The following GABRB3 variants were observed in gnomAD, a reference collection of about 807,000 sequenced individuals.
The protein encoded by GABRB3 is gamma-aminobutyric acid type A receptor subunit beta3.
A neutral mutation model predicts 52.1 loss-of-function variants in GABRB3; 14 were observed. The ratio of observed to expected loss-of-function variants is 0.27; its 90% confidence interval spans 0.18 to 0.42. GABRB3 has a LOEUF of 0.42. Among genes scored for constraint, GABRB3 ranks in the 10% least tolerant of loss-of-function variants. GABRB3 has a pLI of 1.00. For synonymous variants in GABRB3, 260 were observed against 232.3 expected (o/e 1.12, Z -1.08); for missense variants, 307 against 609.1 (o/e 0.50, Z 5.22).
At chr15:26,586,651 C>G (rs559166284) in intron 4 of GABRB3, among the ~76,000 whole-genome samples, 1 of 137,290 alleles carries the variant, frequency 7.3e-6, no homozygotes, top group South Asian at 2.3e-4. Context: ...CCACTGCACT[C>G]CAGCCTGGGC....
intron 5 of GABRB3, among the ~76,000 whole-genome samples, chr15:26,582,846 G>T (rs77258908): frequency 6.6e-6 from 1 of 152,158 alleles, no homozygotes; most frequent in Non-Finnish European, 1.5e-5. Context: ...TAGATGTTAT[G>T]GATGCAGTTC....
At chr15:26,748,565 T>C (rs1217966208) in intron 3 of GABRB3, among the ~76,000 whole-genome samples, 1 of 152,218 alleles carries the variant, frequency 6.6e-6, no homozygotes, top group Non-Finnish European at 1.5e-5. Flanking sequence ...ATAGCTTCTG[T>C]TTCATTCCTG....
chr15:26,756,195 A>C (rs1425224269), intron 3 of GABRB3, among the ~76,000 whole-genome samples: 2 of 152,142 alleles, frequency 1.3e-5, no homozygotes, highest in African/African-American at 2.4e-5. Flanking sequence ...ATTTTGTAGA[A>C]GCAGTCAAAG....
intron 3 of GABRB3, among the ~76,000 whole-genome samples, chr15:26,639,186 C>G (rs1453203043): frequency 6.6e-6 from 1 of 152,140 alleles, no homozygotes; most frequent in Non-Finnish European, 1.5e-5. Context: ...CTATAATAAT[C>G]ATGGCCATCA....
rs114335355 is a variant in GABRB3 at position 26,599,554 on chromosome 15, C to G, written c.462-16140G>C. Among the ~76,000 whole-genome samples the G allele has an allele frequency of 5.9e-3, 898 of 152,328 alleles. 7 individuals carry two copies. Among genetic ancestry groups the G allele is most frequent in the African/African-American group, 0.021 (861 of 41,584 alleles). On this transcript the variant is annotated intron_variant, in intron 4 of 8. Coordinates refer to ENST00000311550, the MANE Select transcript of GABRB3 (RefSeq NM_000814.6). ...TAGCAGAGTCCAGCCAGTAGCCTCACCAGAGAGTAGAGCACAGTCAGCAGC... is the reference window on the plus strand; with the variant it reads ...TAGCAGAGTCCAGCCAGTAGCCTCAGCAGAGAGTAGAGCACAGTCAGCAGC...
At position 26,587,724 on chromosome 15, in the gene GABRB3, A is replaced by G. The variant is rs146089212; in HGVS notation, c.462-4310T>C. On this transcript the variant is annotated intron_variant, in intron 4 of 8. Coordinates refer to ENST00000311550, the MANE Select transcript of GABRB3 (RefSeq NM_000814.6). ...AGAACTGAGAGTTCAAGCCTAGTGCACGGAGATCAACCAAGGGCAGATAGG... is the reference window on the plus strand; with the variant it reads ...AGAACTGAGAGTTCAAGCCTAGTGCGCGGAGATCAACCAAGGGCAGATAGG... Among the ~76,000 whole-genome samples, 764 of 152,330 alleles carry G rather than the reference A, an allele frequency of 5.0e-3. 8 individuals carry two copies. The highest frequency in any genetic ancestry group is 0.014 in the Middle Eastern group (4 of 294).
At chr15:26,682,103 G>C (rs1215754383) in intron 3 of GABRB3, among the ~76,000 whole-genome samples, 1 of 152,000 alleles carries the variant, frequency 6.6e-6, no homozygotes, top group Non-Finnish European at 1.5e-5. Context: ...TTTACCCTTA[G>C]GTTTGTCCTT....
At position 26,734,638 on chromosome 15, in the gene GABRB3, C is replaced by CAA. The variant is rs527622047; in HGVS notation, c.240+37762_240+37763dup. Among the ~76,000 whole-genome samples, 28 of 96,280 alleles carry CAA rather than the reference C, an allele frequency of 2.9e-4. 1 individual carries two copies. The highest frequency in any genetic ancestry group is 2.0e-3 in the Admixed American group (18 of 8,910). 63.2% of individuals were successfully genotyped at this position (96,280 alleles called of 152,430 possible). ...CCAGCCTGGGCAACAGGGTGAGTCT[C>CAA]AAAAAAAAAAAAAAAAAAGCCTGGT... is the stretch of plus-strand genomic sequence containing the variant. On this transcript the variant is annotated intron_variant, in intron 3 of 8. Transcript: ENST00000311550.
At chr15:26,656,824 G>T (rs1040460252) in intron 3 of GABRB3, among the ~76,000 whole-genome samples, 1 of 152,176 alleles carries the variant, frequency 6.6e-6, no homozygotes, top group Admixed American at 6.5e-5. Flanking sequence ...AAAAGGTTGG[G>T]GACCCTGTCC....
intron 3 of GABRB3, among the ~76,000 whole-genome samples, chr15:26,668,366 G>A (rs1373043833): frequency 6.6e-6 from 1 of 152,192 alleles, no homozygotes; most frequent in Non-Finnish European, 1.5e-5. Flanking sequence ...TTGGCAGAAA[G>A]CAAATATTCT....
chr15:26,701,153 T>C (rs950366815), intron 3 of GABRB3, among the ~76,000 whole-genome samples: 5 of 152,236 alleles, frequency 3.3e-5, no homozygotes, highest in African/African-American at 1.2e-4. Context: ...CAAACATACT[T>C]AACAGTAAAA....
At position 26,656,432 on chromosome 15, in the gene GABRB3, C is replaced by T. The variant is rs527853893; in HGVS notation, c.241-34898G>A. ...GTTTGCTGCAAACTTACGATTTTTCCTTAAGTACCTTACACATGGCTAACA... is the reference window on the plus strand; with the variant it reads ...GTTTGCTGCAAACTTACGATTTTTCTTTAAGTACCTTACACATGGCTAACA... On this transcript the variant is annotated intron_variant, in intron 3 of 8. Coordinates refer to ENST00000311550, the MANE Select transcript of GABRB3 (RefSeq NM_000814.6). 5.9e-5 allele frequency among the ~76,000 whole-genome samples: 9 copies of T among 152,328 alleles called. No homozygotes were observed. The South Asian group carries it at 1.9e-3, about 32-fold the overall frequency.
chr15:26,577,375 T>C (rs981967837), intron 6 of GABRB3, among the ~76,000 whole-genome samples: 1 of 151,988 alleles, frequency 6.6e-6, no homozygotes, highest in African/African-American at 2.4e-5. Flanking sequence ...TAGCCAGGCA[T>C]GGTGGCATGT....
At chr15:26,560,512 T>A (rs1046435881) in intron 8 of GABRB3, among the ~76,000 whole-genome samples, 5 of 152,154 alleles carry the variant, frequency 3.3e-5, no homozygotes, top group Non-Finnish European at 5.9e-5. Context: ...AGGGGCTTAC[T>A]GGTGAGAGGA....
chr15:26,589,299 A>G (rs1451114557), intron 4 of GABRB3, among the ~76,000 whole-genome samples: 1 of 152,200 alleles, frequency 6.6e-6, no homozygotes, highest in African/African-American at 2.4e-5. Context: ...GGACTTGCTC[A>G]CTTCTGCAAA....
chr15:26,732,228 G>A (rs61996869), intron 3 of GABRB3, among the ~76,000 whole-genome samples: 3 of 150,924 alleles, frequency 2.0e-5, no homozygotes, highest in East Asian at 2.0e-4. Context: ...ATGGATGGAT[G>A]GGTGGACAGA....
At chr15:26,628,705 A>G (rs1296691554) in intron 3 of GABRB3, among the ~76,000 whole-genome samples, 105 of 131,282 alleles carry the variant, frequency 8.0e-4, no homozygotes, top group Non-Finnish European at 1.2e-3. Flanking sequence ...AAACAAAACA[A>G]AACAAAACAA....
intron 3 of GABRB3, among the ~76,000 whole-genome samples, chr15:26,753,214 T>G (rs1336378258): frequency 6.6e-6 from 1 of 152,120 alleles, no homozygotes; most frequent in Admixed American, 6.5e-5. Context: ...CCGCAGACAC[T>G]GGCTCCAGTT....
chr15:26,770,915 T>C (rs142317340), intron 3 of GABRB3, among the ~76,000 whole-genome samples: 1 of 152,348 alleles, frequency 6.6e-6, no homozygotes, highest in Non-Finnish European at 1.5e-5. Flanking sequence ...ATTTTTACTG[T>C]AAGGTAATTT....
Sources: gnomAD v4.1 joint callset for allele counts (sites outside exome capture counted in the v4.1 genomes callset) on GRCh38, gnomAD v4.1.1 for gene constraint, MANE v1.5 for transcripts, NCBI Gene and HGNC (gene_info 2026-07-23, HGNC 2026-07-21) for gene names.